ICA1L: variants seen among roughly 807,000 people sequenced by gnomAD.
The protein encoded by ICA1L is islet cell autoantigen 1-like protein.
ICA1L carries 50 observed loss-of-function variants against 61.3 expected under a neutral mutation model. That is an observed-to-expected ratio of 0.82 (90% CI 0.65 to 1.03). The LOEUF is 1.03. Ranked by LOEUF, ICA1L falls within the 50% of genes least tolerant of loss-of-function variation. The probability of loss-of-function intolerance (pLI) is 0.00; values close to 1 mark genes in which losing one functional copy is unlikely to be tolerated. For synonymous variants in ICA1L, 161 were observed against 191.3 expected, an observed-to-expected ratio of 0.84 and a Z score of 1.31; for missense variants, 508 against 556.7, an observed-to-expected ratio of 0.91 and a Z score of 0.88.
At chr2:202,865,058 G>C (rs1687449831) in intron 1 of ICA1L, among the ~76,000 whole-genome samples, 2 of 152,072 alleles carry the variant, frequency 1.3e-5, no homozygotes, top group Non-Finnish European at 2.9e-5. Context: ...AGCTACTCAG[G>C]AGGCTGAGGC....
At chr2:202,841,663 C>A in intron 1 of ICA1L, 1 of 575,000 alleles carries the variant, frequency 1.7e-6, no homozygotes, top group South Asian at 1.5e-5. Flanking sequence ...GGGAGAAGCT[C>A]AAGGAGCTGA....
chr2:202,807,577 G>A (rs746587382), intron 9 of ICA1L, among the ~76,000 whole-genome samples: 2 of 152,194 alleles, frequency 1.3e-5, no homozygotes, highest in Admixed American at 1.3e-4. Context: ...CCCTGGTGTT[G>A]TGCTGGGCTT....
chr2:202,807,730 G>A (rs1026962896), intron 9 of ICA1L, among the ~76,000 whole-genome samples: 1 of 152,060 alleles, frequency 6.6e-6, no homozygotes. Context: ...CTTGAGGAGA[G>A]GAGAAAGGAG....
chr2:202,788,247 G>A (rs1559127272), intron 11 of ICA1L, among the ~76,000 whole-genome samples: 2 of 152,176 alleles, frequency 1.3e-5, no homozygotes, highest in East Asian at 3.9e-4. Flanking sequence ...AGGAACTCTT[G>A]CAGTAACCTA....
chr2:202,866,743 C>A (rs912792526), intron 1 of ICA1L, among the ~76,000 whole-genome samples: 1 of 152,064 alleles, frequency 6.6e-6, no homozygotes, highest in Non-Finnish European at 1.5e-5. Flanking sequence ...GTCAGGAGTT[C>A]GAGACCAGTC....
intron 1 of ICA1L, among the ~76,000 whole-genome samples, chr2:202,848,727 T>C (rs895463823): frequency 1.3e-5 from 2 of 152,232 alleles, no homozygotes; most frequent in Admixed American, 6.5e-5. Flanking sequence ...TATACATACA[T>C]ATATATTTTG....
In ICA1L at chr2:202,821,344, CA is replaced by C. The variant is rs1457246517; in HGVS notation, c.359+13del. 1.9e-6 allele frequency: 3 copies of C among 1,605,846 alleles called. No individual in the cohort carries two copies. The South Asian group carries it at 3.4e-5, about 18-fold the overall frequency. On this transcript the variant is annotated intron_variant, in intron 4 of 12. Transcript: ENST00000358299. ...TTGACTACAGATTCAAGATAATGAA[CA>C]ACCATGGTAAACCTTTGCTTGGCTG...
chr2:202,807,701 CA>C (rs1225136520), intron 9 of ICA1L, among the ~76,000 whole-genome samples: 1 of 152,016 alleles, frequency 6.6e-6, no homozygotes, highest in East Asian at 1.9e-4. Context: ...CTTACAGCTC[CA>C]GGAGAAACTC....
chr2:202,831,326 G>C (rs569359411), intron 1 of ICA1L, among the ~76,000 whole-genome samples: 115 of 152,264 alleles, frequency 7.6e-4, no homozygotes, highest in African/African-American at 2.7e-3. Context: ...GCATTATACT[G>C]TCCTGACACA....
chr2:202,798,703 A>G (rs960199151), intron 9 of ICA1L, among the ~76,000 whole-genome samples: 3 of 44,082 alleles, frequency 6.8e-5, no homozygotes, highest in Non-Finnish European at 1.8e-4. Flanking sequence ...TCTGCTATCA[A>G]ACTTGATACA....
At chr2:202,820,761 A>G (rs755209614) in intron 4 of ICA1L, among the ~76,000 whole-genome samples, 3 of 152,196 alleles carry the variant, frequency 2.0e-5, no homozygotes, top group East Asian at 1.9e-4. Flanking sequence ...AGACTTTTGC[A>G]CTGATGTGAT....
chr2:202,792,353 AT>A (rs1174228248), intron 10 of ICA1L, among the ~76,000 whole-genome samples: 1 of 152,210 alleles, frequency 6.6e-6, no homozygotes, highest in Admixed American at 6.5e-5. Flanking sequence ...ACCAAGGAAA[AT>A]GACAATGTAT....
At chr2:202,841,846 C>G (rs1012884317) in intron 1 of ICA1L, 1 of 270,890 alleles carries the variant, frequency 3.7e-6, no homozygotes, top group Admixed American at 4.3e-5. Context: ...AGCAGGGAAG[C>G]TGCTTCTTGG....
intron 1 of ICA1L, chr2:202,870,672 A>G (rs2105896738): frequency 6.6e-6 from 1 of 152,364 alleles, no homozygotes; most frequent in East Asian, 1.9e-4. Flanking sequence ...TCAGAACCAA[A>G]TAAATCAATA....
intron 1 of ICA1L, among the ~76,000 whole-genome samples, chr2:202,857,892 G>C (rs1368225050): frequency 6.6e-6 from 1 of 152,192 alleles, no homozygotes; most frequent in Non-Finnish European, 1.5e-5. Context: ...CTGGTCACTA[G>C]AGAAATGCAA....
chr2:202,786,873 C>T (rs1477895072), intron 11 of ICA1L: 1 of 376,454 alleles, frequency 2.7e-6, no homozygotes, highest in Non-Finnish European at 5.2e-6. Flanking sequence ...ATTATGAATA[C>T]TCTATGGGAA....
In ICA1L at chr2:202,841,246, A is replaced by T. The variant is rs1694321636; in HGVS notation, c.-7-12230T>A. 13 of 725,486 alleles carry T rather than the reference A, an allele frequency of 1.8e-5. No individual in the cohort carries two copies. In the South Asian group the frequency reaches 1.8e-4, roughly 10 times the overall value. 44.9% of individuals were successfully genotyped at this position (725,486 alleles called of 1,614,324 possible). ...GTACGTTTGTTGATCTCATCCTCAT[A>T]TTTGTTCTTGAAGTCTTCCACCAGC... is the stretch of plus-strand genomic sequence containing the variant. On this transcript the variant is annotated intron_variant, in intron 1 of 12. Transcript: ENST00000358299.
intron 7 of ICA1L, among the ~76,000 whole-genome samples, chr2:202,815,059 T>G (rs1202907076): frequency 2.0e-5 from 3 of 152,224 alleles, no homozygotes; most frequent in African/African-American, 4.8e-5. Flanking sequence ...TAAAGAAGAC[T>G]TAAACTGTGT....
chr2:202,778,309 G>A lies in ICA1L; in HGVS notation c.*1224C>T, dbSNP rs750458073. The A allele has an allele frequency of 1.3e-5, 2 of 152,186 alleles. No homozygotes were observed. The highest frequency in any genetic ancestry group is 2.9e-5 in the Non-Finnish European group (2 of 68,032). The allele number at this position is 152,186 out of a possible 1,614,324, so 9.4% of individuals were successfully genotyped here. A position where few individuals can be genotyped will look rare whatever the true frequency, so the allele number is the denominator to read the frequency against. ...GGACAGGAAATTGAGTGATTGATGTGTGTGTACGGTAGCTACGTTTTTATC... is the reference window on the plus strand; with the variant it reads ...GGACAGGAAATTGAGTGATTGATGTATGTGTACGGTAGCTACGTTTTTATC... On this transcript the variant is annotated 3_prime_UTR_variant, in exon 13 of 13. Coordinates refer to ENST00000358299, the MANE Select transcript of ICA1L (RefSeq NM_001288622.3).
Sources: gnomAD v4.1 joint callset for allele counts (sites outside exome capture counted in the v4.1 genomes callset) on GRCh38, gnomAD v4.1.1 for gene constraint, MANE v1.5 for transcripts, NCBI Gene and HGNC (gene_info 2026-07-23, HGNC 2026-07-21) for gene names.